The following SOX5 variants were observed in gnomAD, a reference collection of about 807,000 sequenced individuals.
SOX5 encodes the protein SRY-box transcription factor 5.
SOX5 carries 9 observed loss-of-function variants against 92.0 expected under a neutral mutation model. That is an observed-to-expected ratio of 0.10 (90% CI 0.06 to 0.17). The LOEUF is 0.17. Ranked by LOEUF, SOX5 falls within the 10% of genes least tolerant of loss-of-function variation. The probability of loss-of-function intolerance (pLI) is 1.00; values close to 1 mark genes in which losing one functional copy is unlikely to be tolerated. For missense variants in SOX5, 642 were observed against 944.5 expected (o/e 0.68, Z 4.20); for synonymous variants, 344 against 336.3 (o/e 1.02, Z -0.25).
chr12:23,795,532 C>T (rs891664105), intron 3 of SOX5, among the ~76,000 whole-genome samples: 4 of 151,998 alleles, frequency 2.6e-5, no homozygotes, highest in East Asian at 1.9e-4. Flanking sequence ...AGCATCAGAT[C>T]GAGCCAAATG....
chr12:24,384,081 G>A (rs1958113176), intron 1 of SOX5, among the ~76,000 whole-genome samples: 1 of 152,092 alleles, frequency 6.6e-6, no homozygotes, highest in African/African-American at 2.4e-5. Context: ...CGCCATTATT[G>A]TAAGTTTCCT....
chr12:24,513,614 T>A (rs1227761235), intron 1 of SOX5, among the ~76,000 whole-genome samples: 1 of 152,222 alleles, frequency 6.6e-6, no homozygotes, highest in East Asian at 1.9e-4. Flanking sequence ...GCAAGAATAC[T>A]TGAAGAAGAA....
At chr12:24,374,854 G>A (rs1321776622) in intron 1 of SOX5, among the ~76,000 whole-genome samples, 2 of 152,188 alleles carry the variant, frequency 1.3e-5, no homozygotes, top group Non-Finnish European at 2.9e-5. Flanking sequence ...ACAGAGGCAG[G>A]GCCTGCACTA....
intron 4 of SOX5, among the ~76,000 whole-genome samples, chr12:24,149,028 T>A (rs1286800732): frequency 6.6e-6 from 1 of 152,040 alleles, no homozygotes; most frequent in African/African-American, 2.4e-5. Flanking sequence ...TGGGTATTCA[T>A]AAGGAAAAAT....
At chr12:24,204,557 G>C (rs1350369286) in intron 4 of SOX5, among the ~76,000 whole-genome samples, 1 of 152,034 alleles carries the variant, frequency 6.6e-6, no homozygotes, top group African/African-American at 2.4e-5. Context: ...TCAAACTCCT[G>C]CCCTCAAGTG....
intron 7 of SOX5, among the ~76,000 whole-genome samples, chr12:23,663,122 T>C (rs748085710): frequency 6.6e-6 from 1 of 152,174 alleles, no homozygotes; most frequent in Non-Finnish European, 1.5e-5. Flanking sequence ...CAGTTCTTCA[T>C]TCAAACTGAG....
intron 4 of SOX5, among the ~76,000 whole-genome samples, chr12:23,986,855 T>C (rs565037627): frequency 2.6e-5 from 4 of 152,320 alleles, no homozygotes; most frequent in African/African-American, 9.6e-5. Flanking sequence ...GCCAATTTTT[T>C]TTAATACGTA....
chr12:24,551,918 T>C (rs1953221220), intron 1 of SOX5, among the ~76,000 whole-genome samples: 1 of 152,208 alleles, frequency 6.6e-6, no homozygotes, highest in Non-Finnish European at 1.5e-5. Flanking sequence ...TAAACAAACA[T>C]CTTTAGGCAC....
chr12:24,557,294 A>C (rs1326471164), intron 1 of SOX5, among the ~76,000 whole-genome samples: 1 of 151,798 alleles, frequency 6.6e-6, no homozygotes, highest in Non-Finnish European at 1.5e-5. Context: ...AGGCTGAGGC[A>C]CAAGAATCCC....
chr12:24,522,482 T>C (rs940102402), intron 1 of SOX5, among the ~76,000 whole-genome samples: 2 of 152,070 alleles, frequency 1.3e-5, no homozygotes, highest in Non-Finnish European at 2.9e-5. Context: ...GAAAAGAAGC[T>C]TCAGGCCAAT....
intron 1 of SOX5, among the ~76,000 whole-genome samples, chr12:24,496,230 C>T (rs185940856): frequency 1.3e-5 from 2 of 152,234 alleles, no homozygotes; most frequent in East Asian, 3.9e-4. Context: ...AAGAGTAACG[C>T]CTAAACATCA....
chr12:24,531,751 C>T (rs1265316651), intron 1 of SOX5, among the ~76,000 whole-genome samples: 3 of 152,152 alleles, frequency 2.0e-5, no homozygotes, highest in Non-Finnish European at 4.4e-5. Flanking sequence ...TCATTGCCTG[C>T]CTGCTTTATT....
rs546326485 is a variant in SOX5 at position 24,514,049 on chromosome 12, T to C, written c.-251+48280A>G. Among the ~76,000 whole-genome samples the C allele has an allele frequency of 3.3e-4, 51 of 152,314 alleles. No homozygotes were observed. The South Asian group carries it at 0.011, about 32-fold the overall frequency. On this transcript the variant is annotated intron_variant, in intron 1 of 4. Transcript: ENST00000446891. ...CTCTTCTACAGGACAGTCCTTCAAA[T>C]AGTTGAAGAGAATTATGGTGTCCCT...
At chr12:23,607,045 TC>T (rs2075339559) in intron 8 of SOX5, among the ~76,000 whole-genome samples, 1 of 152,134 alleles carries the variant, frequency 6.6e-6, no homozygotes, top group Non-Finnish European at 1.5e-5. Context: ...TGCTCTTCTC[TC>T]CCCCAAATTG....
chr12:24,041,334 G>C (rs1956505999), intron 4 of SOX5, among the ~76,000 whole-genome samples: 1 of 151,922 alleles, frequency 6.6e-6, no homozygotes, highest in Admixed American at 6.6e-5. Flanking sequence ...GTCATGATGA[G>C]GATACTGAAA....
In SOX5 at chr12:24,264,337, A is replaced by C. The variant is rs1039237217; in HGVS notation, c.-77+12879T>G. On this transcript the variant is annotated intron_variant, in intron 3 of 4. Transcript: ENST00000446891. ...ATCTATACATACATTTTCTTTTAAA[A>C]AATTTTTTCTTGCTCTTGAAAAGTT... Among the ~76,000 whole-genome samples the C allele has an allele frequency of 3.3e-5, 5 of 152,270 alleles. No homozygotes were observed. In the South Asian group the frequency reaches 6.2e-4, roughly 19 times the overall value.
intron 1 of SOX5, among the ~76,000 whole-genome samples, chr12:23,901,902 G>GT (rs2097237526): frequency 6.6e-6 from 1 of 152,116 alleles, no homozygotes; most frequent in South Asian, 2.1e-4. Context: ...TCTCAGTATT[G>GT]TCAGAAATAA....
intron 1 of SOX5, among the ~76,000 whole-genome samples, chr12:24,459,825 C>T (rs1393761402): frequency 6.6e-6 from 1 of 151,990 alleles, no homozygotes; most frequent in Non-Finnish European, 1.5e-5. Context: ...TAGAGAGTGG[C>T]CAGCTGCTGA....
chr12:23,804,918 TATATATATATATATATA>T (rs2095737268), intron 3 of SOX5, among the ~76,000 whole-genome samples: 2 of 4,032 alleles, frequency 5.0e-4, no homozygotes, highest in African/African-American at 7.8e-4. Context: ...CATTGTTTTA[TATATATATATATATATA>T]TATATATATA....
Sources: gnomAD v4.1 joint callset for allele counts (sites outside exome capture counted in the v4.1 genomes callset) on GRCh38, gnomAD v4.1.1 for gene constraint, MANE v1.5 for transcripts, NCBI Gene and HGNC (gene_info 2026-07-23, HGNC 2026-07-21) for gene names.